ASTN2: variants seen among roughly 807,000 people sequenced by gnomAD.
ASTN2 encodes the protein astrotactin-2.
In ASTN2, 54 loss-of-function variants were observed where a neutral mutation model predicts 139.8. The observed-to-expected ratio is 0.39, with a 90% CI of 0.31 to 0.48. The LOEUF is 0.48. Ranked by LOEUF, ASTN2 falls within the 20% of genes least tolerant of loss-of-function variation. The pLI is 0.95. For synonymous variants in ASTN2, 756 were observed against 719.5 expected (o/e 1.05, Z -0.81); for missense variants, 1,565 against 1,725.1 (o/e 0.91, Z 1.64).
intron 13 of ASTN2, among the ~76,000 whole-genome samples, chr9:116,766,368 C>T (rs982143678): frequency 6.6e-6 from 1 of 151,946 alleles, no homozygotes; most frequent in Non-Finnish European, 1.5e-5. Context: ...CATATACAGG[C>T]ATACATTCAC....
rs968111140 is a variant in ASTN2, at chr9:116,474,058, T to C, written c.3497+13301A>G. Among the ~76,000 whole-genome samples the C allele has an allele frequency of 5.6e-4, 86 of 152,292 alleles. 1 individual carries two copies. Among genetic ancestry groups the C allele is most frequent in the African/African-American group, 1.9e-3 (78 of 41,544 alleles). On this transcript the variant is annotated intron_variant, in intron 20 of 22. Transcript: ENST00000313400. ...TGGCAATACCCTCACTGTACAGATATAGAAATTGAGACCCAGGAGAAATAA... is the reference window on the plus strand; with the variant it reads ...TGGCAATACCCTCACTGTACAGATACAGAAATTGAGACCCAGGAGAAATAA...
intron 16 of ASTN2, among the ~76,000 whole-genome samples, chr9:116,697,019 C>T (rs1860895403): frequency 6.6e-6 from 1 of 150,756 alleles, no homozygotes; most frequent in Non-Finnish European, 1.5e-5. Context: ...CCTTTATCCT[C>T]ATTCCTTCAT....
intron 10 of ASTN2, among the ~76,000 whole-genome samples, chr9:116,891,807 A>G (rs1043069455): frequency 9.9e-5 from 15 of 152,224 alleles, no homozygotes; most frequent in Non-Finnish European, 1.5e-5. Flanking sequence ...CAGTCTCTGG[A>G]GCTAGACTGC....
chr9:117,404,524 A>T (rs963905835), intron 1 of ASTN2, among the ~76,000 whole-genome samples: 2 of 152,216 alleles, frequency 1.3e-5, no homozygotes, highest in African/African-American at 4.8e-5. Flanking sequence ...ATATATTTGG[A>T]TTTATATAGC....
chr9:117,225,481 G>A (rs1378218176), intron 2 of ASTN2, among the ~76,000 whole-genome samples: 4 of 145,214 alleles, frequency 2.8e-5, no homozygotes, highest in Non-Finnish European at 4.5e-5. Flanking sequence ...TTGGGAGGCC[G>A]AGGCGGGTGG....
At chr9:116,910,530 C>T (rs1027939954) in intron 10 of ASTN2, among the ~76,000 whole-genome samples, 17 of 152,176 alleles carry the variant, frequency 1.1e-4, no homozygotes, top group African/African-American at 2.9e-4. Context: ...TTCCTGATTA[C>T]AACCCCCATC....
At chr9:117,150,643 C>T (rs1235222048) in intron 3 of ASTN2, among the ~76,000 whole-genome samples, 1 of 152,094 alleles carries the variant, frequency 6.6e-6, no homozygotes, top group Non-Finnish European at 1.5e-5. Flanking sequence ...ATCTAATAAG[C>T]TGGTTTAGGA....
chr9:116,765,739 TA>T (rs1002805637), intron 13 of ASTN2, among the ~76,000 whole-genome samples: 3 of 151,172 alleles, frequency 2.0e-5, no homozygotes, highest in Non-Finnish European at 3.0e-5. Context: ...TATTATTAAG[TA>T]AAAAAAAAGA....
intron 20 of ASTN2, 65 bp from the exon 21 acceptor site, chr9:116,442,618 G>A (rs745350691): frequency 1.4e-5 from 19 of 1,311,154 alleles, no homozygotes; most frequent in African/African-American, 2.9e-5. Flanking sequence ...GGAGTTGCAG[G>A]GAAGAACAGA....
intron 17 of ASTN2, among the ~76,000 whole-genome samples, chr9:116,626,035 G>A (rs1258843046): frequency 1.3e-4 from 20 of 151,738 alleles, no homozygotes; most frequent in Admixed American, 6.6e-5. Context: ...GCTAGAGTGC[G>A]GTGGCACAAT....
chr9:116,814,226 T>G (rs1831249110), intron 12 of ASTN2, among the ~76,000 whole-genome samples: 1 of 152,026 alleles, frequency 6.6e-6, no homozygotes, highest in African/African-American at 2.4e-5. Flanking sequence ...CACCCTGGGA[T>G]CATCAGGGCT....
At chr9:117,408,124 C>T (rs939760248) in intron 1 of ASTN2, among the ~76,000 whole-genome samples, 2 of 150,508 alleles carry the variant, frequency 1.3e-5, no homozygotes, top group Non-Finnish European at 2.9e-5. Context: ...ATTCAATTTC[C>T]CTAAGGAGAT....
chr9:116,613,788 T>A (rs1209913859), intron 19 of ASTN2, among the ~76,000 whole-genome samples: 1 of 152,108 alleles, frequency 6.6e-6, no homozygotes, highest in Non-Finnish European at 1.5e-5. Context: ...GGGCAAAAAC[T>A]GGAAGCATTC....
At chr9:116,649,572 C>CAAAAAAAAAAAAAA (rs35946741) in intron 17 of ASTN2, among the ~76,000 whole-genome samples, 1 of 137,600 alleles carries the variant, frequency 7.3e-6, no homozygotes, top group Non-Finnish European at 1.6e-5. Context: ...AAAACTGTCT[C>CAAAAAAAAAAAAAA]AAAAAAAAAA....
intron 11 of ASTN2, among the ~76,000 whole-genome samples, chr9:116,824,707 T>G (rs1327907989): frequency 6.6e-6 from 1 of 152,250 alleles, no homozygotes; most frequent in African/African-American, 2.4e-5. Context: ...GACTTGATTT[T>G]TGAGATAATT....
At chr9:117,130,036 G>A (rs943629511) in intron 4 of ASTN2, among the ~76,000 whole-genome samples, 10 of 152,122 alleles carry the variant, frequency 6.6e-5, no homozygotes, top group African/African-American at 2.2e-4. Flanking sequence ...GCCAGGCATG[G>A]TGGCACACGC....
intron 12 of ASTN2, among the ~76,000 whole-genome samples, chr9:116,818,288 C>A (rs1214213725): frequency 6.6e-6 from 1 of 152,148 alleles, no homozygotes; most frequent in Non-Finnish European, 1.5e-5. Flanking sequence ...GGGAAGGTCC[C>A]CTTGATAATG....
intron 17 of ASTN2, among the ~76,000 whole-genome samples, chr9:116,625,339 AAGG>A (rs1207404988): frequency 2.0e-5 from 3 of 152,084 alleles, no homozygotes; most frequent in African/African-American, 7.2e-5. Flanking sequence ...GAGGCTGAGG[AAGG>A]AGAATAGCTT....
At chr9:116,902,210 T>C (rs112220696) in intron 10 of ASTN2, among the ~76,000 whole-genome samples, 3,638 of 152,242 alleles carry the variant, frequency 0.024, 58 homozygotes, top group Middle Eastern at 0.1. Context: ...GGAAAAGATA[T>C]GGAGGTGGAA....
Sources: gnomAD v4.1 joint callset for allele counts (sites outside exome capture counted in the v4.1 genomes callset) on GRCh38, gnomAD v4.1.1 for gene constraint, MANE v1.5 for transcripts, NCBI Gene and HGNC (gene_info 2026-07-23, HGNC 2026-07-21) for gene names.